The following VGLL4 variants were observed in gnomAD, a reference collection of about 807,000 sequenced individuals.
The protein encoded by VGLL4 is vestigial like family member 4.
VGLL4 carries 7 observed loss-of-function variants against 21.0 expected under a neutral mutation model. The observed-to-expected ratio is 0.33, with a 90% CI of 0.19 to 0.63. The LOEUF is 0.63. Among genes scored for constraint, VGLL4 ranks in the 20% least tolerant of loss-of-function variants. VGLL4 has a pLI of 0.78. For missense variants in VGLL4, 394 were observed against 425.7 expected (o/e 0.93, Z 0.66); for synonymous variants, 222 against 173.2 (o/e 1.28, Z -2.21).
chr3:11,668,507 C>G (rs567059702), intron 2 of VGLL4, among the ~76,000 whole-genome samples: 137 of 152,172 alleles, frequency 9.0e-4, no homozygotes, highest in African/African-American at 3.1e-3. Flanking sequence ...CTCTTTGGGG[C>G]CCAGGAATCT....
intron 2 of VGLL4, among the ~76,000 whole-genome samples, chr3:11,678,626 G>C (rs1488249047): frequency 6.6e-6 from 1 of 152,168 alleles, no homozygotes. Context: ...CCAGGAGGTC[G>C]AGGCTGCAGT....
rs566950649 is a variant in VGLL4, at chr3:11,628,627, T to C, written c.82+14810A>G. The stretch of plus-strand genomic sequence containing the variant: ...CGAGGTCAGGAGATTGAGACCATCC[T>C]AGCTAACACGGTGAAACCCCGTCTC... On this transcript the variant is annotated intron_variant, in intron 1 of 4. Coordinates refer to ENST00000430365, the MANE Select transcript of VGLL4 (RefSeq NM_001128219.3). 7.7e-3 allele frequency among the ~76,000 whole-genome samples: 1,171 copies of C among 151,756 alleles called. 4 individuals carry two copies. Among genetic ancestry groups the C allele is most frequent in the Middle Eastern group, 0.017 (5 of 294 alleles).
In VGLL4 at chr3:11,642,391, A is replaced by C. The variant is rs2075710344; in HGVS notation, c.82+1046T>G. 2.0e-5 allele frequency among the ~76,000 whole-genome samples: 3 copies of C among 152,190 alleles called. 1 individual carries two copies. The South Asian group carries it at 6.2e-4, about 32-fold the overall frequency. On this transcript the variant is annotated intron_variant, in intron 1 of 4. Transcript: ENST00000430365. ...ATTAGGAAACAGGCCTGAAGTTTTT[A>C]GATTAAAAAAATACAAGTGAATCAC...
chr3:11,660,699 T>C (rs746815213), intron 2 of VGLL4, among the ~76,000 whole-genome samples: 1 of 152,232 alleles, frequency 6.6e-6, no homozygotes, highest in Non-Finnish European at 1.5e-5. Flanking sequence ...GTTTTTAATA[T>C]TGTAAATGTT....
Position 11,643,403 on chromosome 3 carries a change from GCAACGGGCAGTAATTCTA to G in VGLL4, c.82+16_82+33del, listed in dbSNP as rs1559919589. 6.2e-7 allele frequency: 1 copy of G among 1,613,902 alleles called. No homozygotes were observed. The highest frequency in any genetic ancestry group is 2.2e-5 in the East Asian group (1 of 44,876). On this transcript the variant is annotated intron_variant, in intron 1 of 4. Coordinates refer to ENST00000430365, the MANE Select transcript of VGLL4 (RefSeq NM_001128219.3). ...CACTGAGGAGGAGTGGCCGGGACGA[GCAACGGGCAGTAATTCTA>G]CAACGGGACATCTACCTTCGTAGCA...
intron 2 of VGLL4, among the ~76,000 whole-genome samples, chr3:11,677,070 AG>A: frequency 6.6e-6 from 1 of 152,322 alleles, no homozygotes; most frequent in South Asian, 2.1e-4. Flanking sequence ...CTATATATGT[AG>A]TTTTATTGTT....
chr3:11,661,055 C>G (rs143531423), intron 2 of VGLL4, among the ~76,000 whole-genome samples: 11 of 152,274 alleles, frequency 7.2e-5, no homozygotes, highest in African/African-American at 2.6e-4. Context: ...GAACACTACC[C>G]TGCTAGTTGA....
chr3:11,566,439 C>T (rs1443935856), intron 2 of VGLL4, among the ~76,000 whole-genome samples: 3 of 152,200 alleles, frequency 2.0e-5, no homozygotes, highest in Admixed American at 6.5e-5. Flanking sequence ...TGCTTGTATC[C>T]ATTCCAGAGC....
intron 2 of VGLL4, among the ~76,000 whole-genome samples, chr3:11,649,923 T>C (rs555565038): frequency 0.024 from 3,583 of 151,268 alleles, 128 homozygotes; most frequent in African/African-American, 0.08. Context: ...TGGTTTGGTT[T>C]GGTTTGGTTT....
chr3:11,583,134 G>A (rs906447374), intron 2 of VGLL4, among the ~76,000 whole-genome samples: 13 of 152,124 alleles, frequency 8.5e-5, no homozygotes, highest in Non-Finnish European at 1.8e-4. Context: ...TTTACACCCA[G>A]GTCAGTTTTG....
At chr3:11,693,773 C>T (rs1004600975) in intron 2 of VGLL4, among the ~76,000 whole-genome samples, 3 of 152,182 alleles carry the variant, frequency 2.0e-5, no homozygotes, top group South Asian at 2.1e-4. Flanking sequence ...ACGTCCTGAA[C>T]GTACGGCTGG....
chr3:11,691,975 C>T (rs1296315384), intron 2 of VGLL4, among the ~76,000 whole-genome samples: 1 of 110,158 alleles, frequency 9.1e-6, no homozygotes, highest in African/African-American at 3.2e-5. Context: ...GGGAGAAGTG[C>T]ACCAAATGAA....
chr3:11,695,442 C>G (rs568949084), intron 2 of VGLL4, among the ~76,000 whole-genome samples: 1 of 151,968 alleles, frequency 6.6e-6, no homozygotes, highest in Non-Finnish European at 1.5e-5. Context: ...AAAAATAATA[C>G]CCAACTATAT....
At chr3:11,652,242 T>C (rs1302881346) in intron 2 of VGLL4, among the ~76,000 whole-genome samples, 1 of 152,234 alleles carries the variant, frequency 6.6e-6, no homozygotes, top group African/African-American at 2.4e-5. Context: ...TTTTATTTAA[T>C]ATTAAAATTC....
At chr3:11,671,416 C>T (rs1265300450) in intron 2 of VGLL4, 3 of 799,036 alleles carry the variant, frequency 3.8e-6, no homozygotes, top group Admixed American at 3.4e-5. Context: ...ATGTAAGTAA[C>T]AAAGAGGTAG....
At chr3:11,645,375 G>A (rs1575490329), upstream of VGLL4, among the ~76,000 whole-genome samples, 4 of 150,528 alleles carry the variant, frequency 2.7e-5, no homozygotes, top group South Asian at 2.1e-4. Flanking sequence ...TGGATCATGA[G>A]GTCAGGAGAT....
intron 2 of VGLL4, among the ~76,000 whole-genome samples, chr3:11,574,643 T>C (rs2073974282): frequency 1.3e-5 from 2 of 152,084 alleles, no homozygotes. Flanking sequence ...ACAACATCCA[T>C]ATATTGGATG....
At chr3:11,706,533 A>C (rs1466219675) in intron 1 of VGLL4, among the ~76,000 whole-genome samples, 1 of 152,264 alleles carries the variant, frequency 6.6e-6, no homozygotes, top group Non-Finnish European at 1.5e-5. Flanking sequence ...GTGTCATAAA[A>C]GAGATCAATG....
chr3:11,662,661 C>A (rs960409219), intron 2 of VGLL4, among the ~76,000 whole-genome samples: 1 of 152,316 alleles, frequency 6.6e-6, no homozygotes, highest in Middle Eastern at 3.4e-3. Flanking sequence ...ACGGATCTGG[C>A]CAATGAGACA....
Sources: gnomAD v4.1 joint callset for allele counts (sites outside exome capture counted in the v4.1 genomes callset) on GRCh38, gnomAD v4.1.1 for gene constraint, MANE v1.5 for transcripts, NCBI Gene and HGNC (gene_info 2026-07-23, HGNC 2026-07-21) for gene names.